The following TSPAN16 variants were observed in gnomAD, a reference collection of about 807,000 sequenced individuals.
The protein encoded by TSPAN16 is tetraspanin 16, also known as tetraspanin-16.
A neutral mutation model predicts 25.2 loss-of-function variants in TSPAN16; 23 were observed. The observed-to-expected ratio is 0.91, with a 90% CI of 0.66 to 1.29. The LOEUF is 1.29. Ranked by LOEUF, TSPAN16 falls within the 50% of genes most tolerant of loss-of-function variation. The pLI, the probability that TSPAN16 is intolerant of heterozygous loss-of-function variation, is 0.00. For synonymous variants in TSPAN16, 123 were observed against 124.4 expected, an observed-to-expected ratio of 0.99 and a Z score of 0.08; for missense variants, 272 against 299.9, an observed-to-expected ratio of 0.91 and a Z score of 0.69.
chr19:11,310,691 A>T (rs2080681463), intron 5 of TSPAN16, among the ~76,000 whole-genome samples: 1 of 152,174 alleles, frequency 6.6e-6, no homozygotes, highest in Non-Finnish European at 1.5e-5. Flanking sequence ...GAAATGAGTA[A>T]GAAAATATGT....
chr19:11,314,189 C>A (rs1007581614), intron 6 of TSPAN16, among the ~76,000 whole-genome samples: 1 of 151,976 alleles, frequency 6.6e-6, no homozygotes, highest in African/African-American at 2.4e-5. Flanking sequence ...CCAGAGGGTA[C>A]GGGAAGAATG....
At chr19:11,316,839 T>G (rs963316044), downstream of TSPAN16, among the ~76,000 whole-genome samples, 3 of 147,494 alleles carry the variant, frequency 2.0e-5, no homozygotes, top group African/African-American at 7.5e-5. Context: ...AGATGGAGTC[T>G]TGTTCTGTCA....
intron 5 of TSPAN16, among the ~76,000 whole-genome samples, chr19:11,309,506 T>C (rs1198380985): frequency 6.6e-6 from 1 of 152,268 alleles, no homozygotes. Context: ...GCTTTCCCTC[T>C]GCCTGGAGTG....
At chr19:11,298,533 CA>C (rs1192001745) in intron 2 of TSPAN16, among the ~76,000 whole-genome samples, 194 bp downstream of exon 2, 1 of 151,784 alleles carries the variant, frequency 6.6e-6, no homozygotes, top group Non-Finnish European at 1.5e-5. Context: ...CTCCCAGGTT[CA>C]AGCGATTCTC....
intron 4 of TSPAN16, among the ~76,000 whole-genome samples, chr19:11,306,069 A>C (rs901833249): frequency 1.3e-5 from 2 of 152,150 alleles, no homozygotes; most frequent in Non-Finnish European, 2.9e-5. Context: ...GGAATTCGAG[A>C]CCAGCCTGGC....
Position 11,306,595 on chromosome 19 carries a change from T to A in TSPAN16, c.451-9T>A. On this transcript the variant is annotated splice_polypyrimidine_tract_variant and intron_variant, in intron 4 of 6. Transcript: ENST00000590327. ...GGGACTCTCCAAGTATTTCTTCTCC[T>A]CTCTATAGCTAAAGTGCTGTGGGGT... The A allele has an allele frequency of 6.2e-7, 1 of 1,612,908 alleles. No individual in the cohort carries two copies. Among genetic ancestry groups the A allele is most frequent in the South Asian group, 1.1e-5 (1 of 90,940 alleles).
chr19:11,317,058 C>T (rs1373942862), downstream of TSPAN16, among the ~76,000 whole-genome samples: 1 of 152,026 alleles, frequency 6.6e-6, no homozygotes, highest in Non-Finnish European at 1.5e-5. Flanking sequence ...CTGCCTCGGC[C>T]TCCCAAAGCG....
intron 2 of TSPAN16, 114 bp from the exon 3 acceptor site, chr19:11,298,758 G>A: frequency 1.0e-6 from 1 of 954,980 alleles, no homozygotes; most frequent in South Asian, 1.3e-5. Flanking sequence ...GGAGAGGCCA[G>A]GGTGGCCTGG....
chr19:11,298,348 G>T lies in TSPAN16; in HGVS notation c.267+9G>T. The stretch of plus-strand genomic sequence containing the variant: ...GAGGCACGCTCTTGTTTGTAAGTTG[G>T]ATCTGCACACAGACCCCAGAACTGC... On this transcript the variant is annotated intron_variant, in intron 2 of 6. Transcript: ENST00000590327. 6.2e-7 allele frequency: 1 copy of T among 1,612,970 alleles called. No individual in the cohort carries two copies. Among genetic ancestry groups the T allele is most frequent in the South Asian group, 1.1e-5 (1 of 90,974 alleles).
downstream of TSPAN16, among the ~76,000 whole-genome samples, chr19:11,319,201 G>A (rs2080763741): frequency 1.3e-5 from 2 of 152,164 alleles, no homozygotes; most frequent in African/African-American, 2.4e-5. Context: ...TACAAAGTCA[G>A]GGGGGGTTCT....
chr19:11,326,716 G>A (rs562649810), intron 6 of TSPAN16: 16 of 681,556 alleles, frequency 2.3e-5, no homozygotes, highest in African/African-American at 1.6e-4. Flanking sequence ...CGATCCTCCC[G>A]CCTTGGCCCC....
downstream of TSPAN16, among the ~76,000 whole-genome samples, chr19:11,320,371 C>G (rs2080771155): frequency 2.0e-5 from 3 of 152,142 alleles, no homozygotes; most frequent in African/African-American, 4.8e-5. Context: ...ATCCTCCTGC[C>G]TCAGCCTCCC....
intron 6 of TSPAN16, 101 bp downstream of exon 6, chr19:11,312,323 A>G (rs2080701514): frequency 1.2e-5 from 1 of 84,090 alleles, no homozygotes; most frequent in Non-Finnish European, 2.2e-5. Context: ...GAACAAAACT[A>G]AAAAAAAAAA....
In TSPAN16 at chr19:11,306,628, T is replaced by C; in HGVS notation, c.475T>C (p.Tyr159His). Residue 159 changes from tyrosine (Y) to histidine (H), a missense_variant, in exon 5 of 7, where the codon TAC becomes CAC. Coordinates refer to ENST00000590327, the MANE Select transcript of TSPAN16 (RefSeq NM_001282509.2). ...GCTAAAGTGCTGTGGGGTGAATAAC[T>C]ACACAGATTTTTCTGGCTCTTCCTT... ...EKLKCCGVNN[Y>H]TDFSGSSFEM... is the part of the protein sequence containing the mutation. The C allele has an allele frequency of 6.2e-7, 1 of 1,613,740 alleles. No individual in the cohort carries two copies. The highest frequency in any genetic ancestry group is 8.5e-7 in the Non-Finnish European group (1 of 1,180,014).
Position 11,306,674 on chromosome 19 carries a change from C to T in TSPAN16, c.521C>T (p.Thr174Ile), listed in dbSNP as rs751604662. 3 of 1,614,038 alleles carry T rather than the reference C, an allele frequency of 1.9e-6. No individual in the cohort carries two copies. The highest frequency in any genetic ancestry group is 1.7e-5 in the Admixed American group (1 of 59,996). ...GSSFEMTTGH[T>I]YPRSCCKSIG... ...TCCTTCGAAATGACAACGGGCCACACCTACCCCAGGAGTTGCTGTAAATCC... is the reference window on the plus strand; with the variant it reads ...TCCTTCGAAATGACAACGGGCCACATCTACCCCAGGAGTTGCTGTAAATCC... Residue 174 changes from threonine to isoleucine, a missense_variant, in exon 5 of 7, where the codon ACC becomes ATC. Coordinates refer to ENST00000590327, the MANE Select transcript of TSPAN16 (RefSeq NM_001282509.2).
downstream of TSPAN16, among the ~76,000 whole-genome samples, chr19:11,318,096 G>A (rs532326377): frequency 1.2e-3 from 185 of 151,464 alleles, no homozygotes; most frequent in African/African-American, 4.2e-3. Context: ...GCGCGATCTC[G>A]GCTCACTGCG....
intron 1 of TSPAN16, 22 bp downstream of exon 1, chr19:11,296,388 C>T (rs781178298): frequency 1.2e-6 from 2 of 1,611,126 alleles, no homozygotes; most frequent in Non-Finnish European, 1.7e-6. Flanking sequence ...ACAATCCAGG[C>T]CCCTGGTTTG....
At chr19:11,302,446 T>C (rs1255301220) in intron 4 of TSPAN16, among the ~76,000 whole-genome samples, 1 of 145,878 alleles carries the variant, frequency 6.9e-6, no homozygotes, top group Non-Finnish European at 1.5e-5. Context: ...GGAGAATCGC[T>C]TGAATCCGGG....
In TSPAN16 at chr19:11,322,301, G is replaced by T. The variant is rs140308799; in HGVS notation, c.688-4493G>T. On this transcript the variant is annotated intron_variant, in intron 6 of 6. Coordinates refer to the TSPAN16 transcript ENST00000316737. Reference sequence around the variant, plus strand: ...TTTTCTAAATGGAGTAGGAGAGAAAGATGCTAAAATGTGATCTTGGGAGGA... The same window carrying T: ...TTTTCTAAATGGAGTAGGAGAGAAATATGCTAAAATGTGATCTTGGGAGGA... 3 of 151,658 alleles carry T rather than the reference G, an allele frequency of 2.0e-5. No homozygotes were observed. In the East Asian group the frequency reaches 5.8e-4, roughly 29 times the overall value. The allele number at this position is 151,658 out of a possible 1,614,324, so 9.4% of individuals were successfully genotyped here.
Sources: gnomAD v4.1 joint callset for allele counts (sites outside exome capture counted in the v4.1 genomes callset) on GRCh38, gnomAD v4.1.1 for gene constraint, MANE v1.5 for transcripts, NCBI Gene and HGNC (gene_info 2026-07-23, HGNC 2026-07-21) for gene names.